Variants in BMPER observed in about 807,000 individuals in gnomAD.
BMPER encodes the protein BMP-binding endothelial regulator protein.
BMPER carries 45 observed loss-of-function variants against 87.3 expected under a neutral mutation model. The observed-to-expected ratio is 0.52, with a 90% confidence interval of 0.41 to 0.66. BMPER has a LOEUF of 0.66. Ranked by LOEUF, BMPER falls within the 30% of genes least tolerant of loss-of-function variation. BMPER has a pLI of 0.00. For synonymous variants in BMPER, 326 were observed against 316.2 expected (o/e 1.03, Z -0.33); for missense variants, 784 against 867.5 (o/e 0.90, Z 1.21).
At chr7:34,052,074 G>A in intron 8 of BMPER, 104 bp downstream of exon 8, 1 of 1,073,382 alleles carries the variant, frequency 9.3e-7, no homozygotes, top group Non-Finnish European at 1.4e-6. Flanking sequence ...TTTATTGGGA[G>A]GAAGCATTAA....
intron 2 of BMPER, among the ~76,000 whole-genome samples, chr7:33,912,454 G>T (rs1027871907): frequency 1.3e-5 from 2 of 152,140 alleles, no homozygotes; most frequent in Non-Finnish European, 1.5e-5. Context: ...ACTTGACTGT[G>T]GGTATCAACA....
chr7:34,121,190 A>T (rs1406258623), intron 13 of BMPER, among the ~76,000 whole-genome samples: 3 of 152,084 alleles, frequency 2.0e-5, no homozygotes, highest in African/African-American at 7.2e-5. Flanking sequence ...GGCCAAAGAG[A>T]TTTCTACTAT....
chr7:34,123,016 C>T (rs1790302461), intron 13 of BMPER, among the ~76,000 whole-genome samples: 1 of 152,142 alleles, frequency 6.6e-6, no homozygotes, highest in East Asian at 1.9e-4. Flanking sequence ...CTATATCAGC[C>T]AGCATTTCTA....
At chr7:33,935,648 C>T (rs1784585436) in intron 2 of BMPER, among the ~76,000 whole-genome samples, 1 of 151,172 alleles carries the variant, frequency 6.6e-6, no homozygotes, top group Non-Finnish European at 1.5e-5. Context: ...CTGGATGACT[C>T]AGGTCACCCT....
chr7:33,931,538 G>A (rs1784481588), intron 2 of BMPER, among the ~76,000 whole-genome samples: 1 of 152,212 alleles, frequency 6.6e-6, no homozygotes, highest in African/African-American at 2.4e-5. Context: ...TATTGCCTGG[G>A]AGAAATTGTG....
intron 4 of BMPER, among the ~76,000 whole-genome samples, chr7:33,969,553 C>A (rs1227622818): frequency 6.6e-6 from 1 of 152,160 alleles, no homozygotes; most frequent in East Asian, 1.9e-4. Context: ...GCGCCTGCCA[C>A]CACGCCCGGC....
rs1306714241 is a variant in BMPER, at chr7:34,155,668, T to C, written c.*2395T>C. The C allele has an allele frequency of 6.6e-6, 1 of 152,184 alleles. No homozygotes were observed. The highest frequency in any genetic ancestry group is 1.5e-5 in the Non-Finnish European group (1 of 68,028). 9.4% of individuals were successfully genotyped at this position (152,184 alleles called of 1,614,324 possible). A position where few individuals can be genotyped will look rare whatever the true frequency, so the allele number is the denominator to read the frequency against. On this transcript the variant is annotated 3_prime_UTR_variant, in exon 15 of 15. Transcript: ENST00000649409. ...GATGGGAGAGGGTGAGGAAATCAGCTGAATGGTTGGCCTGCATATTCTTTT... is the reference window on the plus strand; with the variant it reads ...GATGGGAGAGGGTGAGGAAATCAGCCGAATGGTTGGCCTGCATATTCTTTT...
intron 6 of BMPER, among the ~76,000 whole-genome samples, chr7:34,007,951 C>T (rs910240532): frequency 6.6e-6 from 1 of 151,854 alleles, no homozygotes; most frequent in South Asian, 2.1e-4. Context: ...ATGGACCATA[C>T]CCTTGTCAAC....
intron 13 of BMPER, among the ~76,000 whole-genome samples, chr7:34,116,318 G>A (rs1790117682): frequency 1.3e-5 from 2 of 152,198 alleles, no homozygotes; most frequent in African/African-American, 4.8e-5. Flanking sequence ...TCTAGTATAG[G>A]TAGGAGAGAA....
chr7:33,988,164 T>C (rs1241896048), intron 6 of BMPER, among the ~76,000 whole-genome samples: 1 of 152,188 alleles, frequency 6.6e-6, no homozygotes, highest in Non-Finnish European at 1.5e-5. Flanking sequence ...CTTTCACATA[T>C]TGGATTATAG....
intron 6 of BMPER, among the ~76,000 whole-genome samples, chr7:34,019,804 T>C (rs563576461): frequency 4.1e-4 from 63 of 152,066 alleles, no homozygotes; most frequent in African/African-American, 1.3e-3. Context: ...TATAAAGGAC[T>C]GTAAAGAGGT....
At chr7:34,088,816 A>G (rs1789292069) in intron 13 of BMPER, among the ~76,000 whole-genome samples, 2 of 151,696 alleles carry the variant, frequency 1.3e-5, no homozygotes, top group Admixed American at 6.6e-5. Context: ...GATTGTCCAC[A>G]TTTTCTCCTG....
chr7:33,994,952 A>G (rs1007758605), intron 6 of BMPER, among the ~76,000 whole-genome samples: 6 of 152,192 alleles, frequency 3.9e-5, no homozygotes, highest in African/African-American at 1.4e-4. Context: ...AAATTATTTG[A>G]CTGACTCTAA....
intron 6 of BMPER, among the ~76,000 whole-genome samples, chr7:34,001,580 G>C (rs1241650598): frequency 7.7e-6 from 1 of 130,234 alleles, no homozygotes; most frequent in Admixed American, 7.7e-5. Flanking sequence ...TTTTTTTTCT[G>C]TTCAGTCTAG....
At chr7:34,084,003 A>T (rs1429637483) in intron 12 of BMPER, among the ~76,000 whole-genome samples, 324 of 63,824 alleles carry the variant, frequency 5.1e-3, no homozygotes, top group African/African-American at 0.033. Context: ...GAAAGATTTA[A>T]AAAAAAAAAA....
intron 6 of BMPER, among the ~76,000 whole-genome samples, chr7:34,013,200 A>C (rs985249331): frequency 2.6e-5 from 4 of 151,714 alleles, no homozygotes; most frequent in African/African-American, 9.7e-5. Flanking sequence ...CTGTTTCTCT[A>C]AAGTTCCCTG....
At chr7:33,927,440 T>C (rs1229624013) in intron 2 of BMPER, among the ~76,000 whole-genome samples, 4 of 152,194 alleles carry the variant, frequency 2.6e-5, no homozygotes, top group African/African-American at 7.2e-5. Context: ...AGATATTTTG[T>C]TTCTGTGATT....
intron 13 of BMPER, among the ~76,000 whole-genome samples, chr7:34,130,748 C>T (rs960457036): frequency 6.6e-6 from 1 of 152,074 alleles, no homozygotes; most frequent in Non-Finnish European, 1.5e-5. Flanking sequence ...TTAAGAGCAA[C>T]CTTATCTAGA....
At chr7:33,939,476 C>G (rs372247232) in intron 3 of BMPER, among the ~76,000 whole-genome samples, 99 of 152,278 alleles carry the variant, frequency 6.5e-4, no homozygotes, top group African/African-American at 2.4e-3. Flanking sequence ...CTGCCCTGCT[C>G]TAAGGTGGAC....
Sources: allele counts gnomAD v4.1 joint callset (sites outside exome capture counted in the v4.1 genomes callset), GRCh38; gene constraint gnomAD v4.1.1; transcripts MANE v1.5; gene names NCBI Gene and HGNC (gene_info 2026-07-23, HGNC 2026-07-21).